ANKRD26: variants seen among roughly 807,000 people sequenced by gnomAD.
ANKRD26 encodes the protein ankyrin repeat domain 26.
A neutral mutation model predicts 208.7 loss-of-function variants in ANKRD26; 141 were observed. That is an observed-to-expected ratio of 0.68 (90% confidence interval 0.59 to 0.78). The LOEUF (loss-of-function observed/expected upper bound fraction) is 0.78. Ranked by LOEUF, ANKRD26 falls within the 30% of genes least tolerant of loss-of-function variation. ANKRD26 has a pLI of 0.00. For synonymous variants in ANKRD26, 636 were observed against 660.4 expected (o/e 0.96, Z 0.57); for missense variants, 1,889 against 1,938.7 (o/e 0.97, Z 0.48).
At chr10:27,078,910 TAAA>T (rs71281564) in intron 7 of ANKRD26, among the ~76,000 whole-genome samples, 176 bp downstream of exon 7, 7 of 74,576 alleles carry the variant, frequency 9.4e-5, no homozygotes, top group African/African-American at 2.2e-4. Context: ...TTTACCAAAG[TAAA>T]AAAAAAAAAA....
At chr10:26,980,440 G>A (rs902357451) in intron 5 of ANKRD26, among the ~76,000 whole-genome samples, 3 of 152,208 alleles carry the variant, frequency 2.0e-5, no homozygotes, top group Non-Finnish European at 4.4e-5. Context: ...TGAATGACAC[G>A]GGCCATATGA....
At chr10:27,059,410 T>C (rs974968501) in intron 15 of ANKRD26, among the ~76,000 whole-genome samples, 2 of 152,312 alleles carry the variant, frequency 1.3e-5, no homozygotes, top group African/African-American at 2.4e-5. Flanking sequence ...TATAAAATTC[T>C]AGGACATGTA....
the ANKRD26 span, among the ~76,000 whole-genome samples, chr10:26,950,728 G>C: frequency 6.6e-6 from 1 of 152,150 alleles, no homozygotes; most frequent in Non-Finnish European, 1.5e-5. Context: ...AGTAAAGCCT[G>C]CAGACCTGTG....
At chr10:26,948,450 T>C in the ANKRD26 span, among the ~76,000 whole-genome samples, 4 of 152,226 alleles carry the variant, frequency 2.6e-5, no homozygotes, top group Non-Finnish European at 5.9e-5. Flanking sequence ...TAAAGAATTA[T>C]TCTATCACTA....
intron 9 of ANKRD26, among the ~76,000 whole-genome samples, chr10:27,067,598 C>T (rs1343256500): frequency 2.0e-5 from 3 of 152,018 alleles, no homozygotes; most frequent in Non-Finnish European, 4.4e-5. Context: ...CATGGCAGAG[C>T]CAGGGCAAGA....
At chr10:26,997,894 C>A (rs2052630906) in intron 4 of ANKRD26, among the ~76,000 whole-genome samples, 2 of 152,180 alleles carry the variant, frequency 1.3e-5, no homozygotes, top group African/African-American at 4.8e-5. Flanking sequence ...GAGCTTGGGG[C>A]CTTCACAGCA....
At chr10:27,038,511 T>C (rs1188857175) in intron 21 of ANKRD26, among the ~76,000 whole-genome samples, 2 of 151,706 alleles carry the variant, frequency 1.3e-5, no homozygotes, top group East Asian at 3.9e-4. Flanking sequence ...ATTAGACAGG[T>C]GTGGTGGCAG....
chr10:27,098,031 TAATAA>T (rs2056523781), intron 1 of ANKRD26, among the ~76,000 whole-genome samples: 1 of 152,210 alleles, frequency 6.6e-6, no homozygotes, highest in Admixed American at 6.6e-5. Context: ...TTTGCATATA[TAATAA>T]ATCTATAATA....
At chr10:27,099,567 G>GC (rs1248329010) in intron 1 of ANKRD26, among the ~76,000 whole-genome samples, 1 of 143,572 alleles carries the variant, frequency 7.0e-6, no homozygotes, top group Non-Finnish European at 1.5e-5. Flanking sequence ...AGAGTTGGGG[G>GC]GGGGGGTCTC....
At chr10:27,051,804 A>C in intron 16 of ANKRD26, 1 of 985,342 alleles carries the variant, frequency 1.0e-6, no homozygotes, top group Non-Finnish European at 1.2e-6. Context: ...TATTTCCTTT[A>C]AGTTTGTGCC....
chr10:27,083,322 A>G (rs1472670530), intron 5 of ANKRD26, among the ~76,000 whole-genome samples: 4 of 152,144 alleles, frequency 2.6e-5, no homozygotes, highest in Admixed American at 1.3e-4. Flanking sequence ...TAGCTTTCAC[A>G]AGGAAAAAAA....
rs770587100 is a variant in ANKRD26, at chr10:27,037,243, G to C, written c.2640C>G (p.Thr880=). 21 of 1,613,670 alleles carry C rather than the reference G, an allele frequency of 1.3e-5. No individual in the cohort carries two copies. Among genetic ancestry groups the C allele is most frequent in the Non-Finnish European group, 1.8e-5 (21 of 1,179,780 alleles). ...TCTCCTTTTGTTTGGAAAGGTGATT[G>C]GTCAGAATTCCATCTTGTAACATTC... ...NARMLQDGIL[T]NHLSKQKEIE... is the part of the protein sequence containing the mutation. Residue 880 remains threonine, a synonymous_variant, in exon 23 of 34, where the codon ACC becomes ACG. Coordinates refer to ENST00000376087, the MANE Select transcript of ANKRD26 (RefSeq NM_014915.3).
rs2056538611 is a variant in ANKRD26 at position 27,098,511 on chromosome 10, T to A, written c.242+1574A>T. ...TGCAGAAATCATAAAGAAAAAAGTT[T>A]GACTTATTATACAAATGCCCAGAAA... On this transcript the variant is annotated intron_variant, in intron 1 of 33. Transcript: ENST00000376087. Among the ~76,000 whole-genome samples the A allele has an allele frequency of 2.6e-5, 4 of 152,190 alleles. No homozygotes were observed. The South Asian group carries it at 8.3e-4, about 31-fold the overall frequency.
chr10:27,060,888 G>A (rs1027465608), intron 13 of ANKRD26, among the ~76,000 whole-genome samples: 10 of 152,194 alleles, frequency 6.6e-5, no homozygotes, highest in Non-Finnish European at 1.0e-4. Flanking sequence ...GACCCTGAGA[G>A]GAGAAATGTC....
chr10:26,960,490 A>G, the ANKRD26 span, among the ~76,000 whole-genome samples: 1 of 152,070 alleles, frequency 6.6e-6, no homozygotes, highest in South Asian at 2.1e-4. Flanking sequence ...ACCACCCGAC[A>G]CCCAGTCCAT....
Position 27,014,696 on chromosome 10 carries a change from G to A in ANKRD26, c.4522C>T (p.Gln1508Ter), listed in dbSNP as rs1200252469. 1 of 1,612,604 alleles carries A rather than the reference G, an allele frequency of 6.2e-7. No individual in the cohort carries two copies. The highest frequency in any genetic ancestry group is 2.2e-5 in the East Asian group (1 of 44,764). Residue 1508 changes from glutamine (Q) to a stop codon, truncating the protein, a stop_gained, in exon 31 of 34, where the codon CAA becomes TAA. Coordinates refer to ENST00000376087, the MANE Select transcript of ANKRD26 (RefSeq NM_014915.3). LOFTEE classifies it high-confidence loss of function. Reference protein sequence around the residue: ...NLFLQAQAASQENLEQFRENN... With the variant: ...NLFLQAQAAS ...TCTCTAAACTGCTCTAAGTTTTCTTGAGATGCTGCTTGTGCCTAAAACAAA... is the reference window on the plus strand; with the variant it reads ...TCTCTAAACTGCTCTAAGTTTTCTTAAGATGCTGCTTGTGCCTAAAACAAA...
At chr10:27,003,977 C>T (rs2052786743), downstream of ANKRD26, 1 of 152,072 alleles carries the variant, frequency 6.6e-6, no homozygotes, top group Non-Finnish European at 1.5e-5. Context: ...TGCGTAAGGT[C>T]TATAGATTAG....
intron 9 of ANKRD26, 50 bp downstream of exon 9, chr10:27,077,288 T>C (rs2055732866): frequency 2.8e-6 from 4 of 1,442,878 alleles, no homozygotes; most frequent in Admixed American, 3.4e-5. Context: ...ATGAGGATTG[T>C]TGGGGCAGGG....
At chr10:27,039,623 A>C (rs1321205291) in intron 21 of ANKRD26, among the ~76,000 whole-genome samples, 1 of 152,218 alleles carries the variant, frequency 6.6e-6, no homozygotes, top group African/African-American at 2.4e-5. Flanking sequence ...GAATTTATTC[A>C]AAGTAAATAA....
Sources: gnomAD v4.1 joint callset for allele counts (sites outside exome capture counted in the v4.1 genomes callset) on GRCh38, gnomAD v4.1.1 for gene constraint, MANE v1.5 for transcripts, NCBI Gene and HGNC (gene_info 2026-07-23, HGNC 2026-07-21) for gene names.